The following MARCHF10 variants were observed in gnomAD, a reference collection of about 807,000 sequenced individuals.
MARCHF10 encodes membrane associated ring-CH-type finger 10.
In MARCHF10, 64 loss-of-function variants were observed where a neutral mutation model predicts 76.2. The ratio of observed to expected loss-of-function variants is 0.84; its 90% confidence interval spans 0.69 to 1.03. The LOEUF (loss-of-function observed/expected upper bound fraction) is 1.03, where lower values mean the gene tolerates loss of function less well. Among genes scored for constraint, MARCHF10 ranks in the 50% least tolerant of loss-of-function variants. MARCHF10 has a pLI of 0.00. For synonymous variants in MARCHF10, 340 were observed against 357.5 expected, an observed-to-expected ratio of 0.95 and a Z score of 0.55; for missense variants, 875 against 958.0, an observed-to-expected ratio of 0.91 and a Z score of 1.14.
At chr17:62,777,026 G>T (rs1002905066) in intron 3 of MARCHF10, among the ~76,000 whole-genome samples, 1 of 152,150 alleles carries the variant, frequency 6.6e-6, no homozygotes, top group Non-Finnish European at 1.5e-5. Context: ...CTGCAGATTG[G>T]CAGCCTTACC....
intron 8 of MARCHF10, among the ~76,000 whole-genome samples, chr17:62,713,374 A>C (rs775306313): frequency 6.6e-6 from 1 of 152,252 alleles, no homozygotes; most frequent in Non-Finnish European, 1.5e-5. Flanking sequence ...TTATGACTCA[A>C]TAAGGCCCAG....
chr17:62,791,684 C>T (rs1033426010), intron 2 of MARCHF10, among the ~76,000 whole-genome samples: 2 of 152,176 alleles, frequency 1.3e-5, no homozygotes, highest in Middle Eastern at 3.2e-3. Flanking sequence ...TATAGCTTTG[C>T]TGAGAAGGAA....
chr17:62,743,362 G>C (rs2091584961), intron 5 of MARCHF10, among the ~76,000 whole-genome samples: 1 of 152,136 alleles, frequency 6.6e-6, no homozygotes, highest in Admixed American at 6.5e-5. Flanking sequence ...TAAAAACAAA[G>C]GCAGGCCGGG....
intron 8 of MARCHF10, among the ~76,000 whole-genome samples, chr17:62,713,981 T>C (rs968442868): frequency 5.9e-5 from 9 of 152,224 alleles, no homozygotes; most frequent in Admixed American, 3.3e-4. Context: ...CTCAATATAT[T>C]CCACTTAAAG....
rs1306813789 is a variant in MARCHF10, at chr17:62,711,903, T to C, written c.2215-559A>G. Among the ~76,000 whole-genome samples, 1 of 152,204 alleles carries C rather than the reference T, an allele frequency of 6.6e-6. No homozygotes were observed. On this transcript the variant is annotated intron_variant, in intron 8 of 10. Transcript: ENST00000311269. This position sits in a 1 kb window ranked among gnomAD's most constrained non-coding sequence, Gnocchi z 4.4. ...CAGTCCCTAAGCATTCGTCTTGATCTTGCATATCACCTTTTGCACTTGTTA... is the reference window on the plus strand; with the variant it reads ...CAGTCCCTAAGCATTCGTCTTGATCCTGCATATCACCTTTTGCACTTGTTA...
At chr17:62,706,724 C>T (rs62077860) in intron 9 of MARCHF10, among the ~76,000 whole-genome samples, 43,071 of 151,986 alleles carry the variant, frequency 0.28, 6,602 homozygotes, top group Admixed American at 0.37. Flanking sequence ...CCACCATTAA[C>T]GGCACACCTG....
chr17:62,744,583 CA>C, intron 4 of MARCHF10, 55 bp from the exon 5 acceptor site: 1 of 1,593,968 alleles, frequency 6.3e-7, no homozygotes, highest in Non-Finnish European at 8.5e-7. Context: ...AAATGTCTTC[CA>C]TATAAAGAAC....
intron 9 of MARCHF10, among the ~76,000 whole-genome samples, chr17:62,709,773 A>G (rs1568092373): frequency 1.3e-5 from 2 of 152,084 alleles, no homozygotes; most frequent in Non-Finnish European, 2.9e-5. Flanking sequence ...TGTTTTAAAC[A>G]GGGTCTCACT....
chr17:62,708,338 C>G (rs573681007), intron 9 of MARCHF10, among the ~76,000 whole-genome samples: 32 of 152,056 alleles, frequency 2.1e-4, no homozygotes, highest in Middle Eastern at 3.4e-3. Context: ...CTCTGCCTCC[C>G]GGGTTCACGC....
intron 3 of MARCHF10, among the ~76,000 whole-genome samples, chr17:62,766,036 A>T (rs1002247916): frequency 9.3e-6 from 1 of 107,054 alleles, no homozygotes; most frequent in Non-Finnish European, 2.3e-5. Flanking sequence ...TCTACAAAAA[A>T]TAAAAAAAAA....
intron 3 of MARCHF10, among the ~76,000 whole-genome samples, chr17:62,781,978 A>G (rs1336212738): frequency 2.0e-5 from 3 of 152,162 alleles, no homozygotes; most frequent in African/African-American, 7.2e-5. Flanking sequence ...TGCTATTTCG[A>G]GTTTTCAGGT....
chr17:62,797,831 C>T (rs922676697), intron 2 of MARCHF10, among the ~76,000 whole-genome samples: 7 of 152,122 alleles, frequency 4.6e-5, no homozygotes, highest in African/African-American at 1.4e-4. Context: ...TTATAATGGT[C>T]TTGGACAGAA....
intron 6 of MARCHF10, among the ~76,000 whole-genome samples, chr17:62,733,980 C>T (rs989949593): frequency 5.3e-5 from 8 of 151,972 alleles, no homozygotes; most frequent in Non-Finnish European, 1.0e-4. Context: ...ATCAAGAGTT[C>T]GAGACCAGCC....
chr17:62,709,668 T>C (rs1231782268), intron 9 of MARCHF10, among the ~76,000 whole-genome samples: 1 of 152,204 alleles, frequency 6.6e-6, no homozygotes, highest in Non-Finnish European at 1.5e-5. Context: ...CTGAATGTTT[T>C]CTACGAGAAA....
At chr17:62,782,517 T>C (rs2092677417) in intron 3 of MARCHF10, among the ~76,000 whole-genome samples, 1 of 151,882 alleles carries the variant, frequency 6.6e-6, no homozygotes, top group African/African-American at 2.4e-5. Flanking sequence ...CCAGTTAATT[T>C]TCGTATTTTT....
At chr17:62,752,572 C>G (rs548391173) in intron 4 of MARCHF10, among the ~76,000 whole-genome samples, 23 of 152,222 alleles carry the variant, frequency 1.5e-4, no homozygotes, top group South Asian at 8.3e-4. Flanking sequence ...TCCAAGTCAC[C>G]AAGTTCTGCC....
At chr17:62,713,394 G>A (rs2090029999) in intron 8 of MARCHF10, among the ~76,000 whole-genome samples, 1 of 152,242 alleles carries the variant, frequency 6.6e-6, no homozygotes, top group Non-Finnish European at 1.5e-5. Flanking sequence ...GAGGCATGCA[G>A]ATGGGAGAAT....
intron 3 of MARCHF10, among the ~76,000 whole-genome samples, chr17:62,765,336 A>G (rs1441358360): frequency 1.4e-5 from 2 of 138,986 alleles, no homozygotes; most frequent in African/African-American, 2.8e-5. Flanking sequence ...TGGGCAACAG[A>G]GCAGGACTCT....
intron 10 of MARCHF10, among the ~76,000 whole-genome samples, chr17:62,703,916 CCTGCTCGGCG>C (rs1486728621): frequency 1.3e-5 from 2 of 152,210 alleles, no homozygotes; most frequent in African/African-American, 2.4e-5. Context: ...AAGGCTCGGT[CCTGCTCGGCG>C]CGGCTCGCCC....
Sources: allele counts gnomAD v4.1 joint callset (sites outside exome capture counted in the v4.1 genomes callset), GRCh38; gene constraint gnomAD v4.1.1; non-coding constraint Gnocchi (gnomAD v3.1); transcripts MANE v1.5; gene names NCBI Gene and HGNC (gene_info 2026-07-23, HGNC 2026-07-21).